NBPF15: variants seen among roughly 807,000 people sequenced by gnomAD.
The protein encoded by NBPF15 is NBPF family member NBPF15.
A neutral mutation model predicts 62.2 loss-of-function variants in NBPF15; 74 were observed. That is an observed-to-expected ratio of 1.19 (90% CI 0.99 to 1.44). The LOEUF (loss-of-function observed/expected upper bound fraction) is 1.44. Ranked by LOEUF, NBPF15 falls within the 40% of genes most tolerant of loss-of-function variation. The pLI, the probability that NBPF15 is intolerant of heterozygous loss-of-function variation, is 0.00. For synonymous variants in NBPF15, 244 were observed against 209.7 expected, an observed-to-expected ratio of 1.16 and a Z score of -1.41; for missense variants, 790 against 550.0, an observed-to-expected ratio of 1.44 and a Z score of -4.36.
chr1:144,441,639 G>A (rs1553542685), intron 6 of NBPF15, among the ~76,000 whole-genome samples: 1 of 149,342 alleles, frequency 6.7e-6, no homozygotes, highest in Non-Finnish European at 1.5e-5. Context: ...TAAAAATGAA[G>A]TGCAATTCGC....
At chr1:144,458,632 T>C (rs1192897821) in intron 3 of NBPF15, among the ~76,000 whole-genome samples, 2 of 150,844 alleles carry the variant, frequency 1.3e-5, no homozygotes, top group African/African-American at 4.9e-5. Flanking sequence ...TTTCATAAAT[T>C]GGATGACCAT....
In NBPF15 at chr1:144,424,070, C is replaced by T. The variant is rs587638201; in HGVS notation, c.1664-95G>A. 20 of 757,988 alleles carry T rather than the reference C, an allele frequency of 2.6e-5. 1 individual carries two copies. In the African/African-American group the frequency reaches 2.7e-4, roughly 10 times the overall value. 47.0% of individuals were successfully genotyped at this position (757,988 alleles called of 1,614,324 possible). Reference sequence around the variant, plus strand: ...AATCCTCACACAGGGACCTCAGGCTCCTCAGCATAAGAATACGACACCATG... The same window carrying T: ...AATCCTCACACAGGGACCTCAGGCTTCTCAGCATAAGAATACGACACCATG... On this transcript the variant is annotated intron_variant, in intron 20 of 21. Coordinates refer to ENST00000581897, the MANE Select transcript of NBPF15 (RefSeq NM_001385408.1).
rs1670390206 is a variant in NBPF15, at chr1:144,427,231, C to G, written c.1214-133G>C. On this transcript the variant is annotated intron_variant, in intron 16 of 21. Coordinates refer to ENST00000581897, the MANE Select transcript of NBPF15 (RefSeq NM_001385408.1). ...ATAGGACACTGTGAGAGATATTCTT[C>G]AAGAGGCCTGAAGGCTGATCACCAT... 7.3e-6 allele frequency: 5 copies of G among 684,632 alleles called. No homozygotes were observed. In the South Asian group the frequency reaches 8.2e-5, roughly 11 times the overall value. The allele number at this position is 684,632 out of a possible 1,614,324, so 42.4% of individuals were successfully genotyped here.
intron 4 of NBPF15, among the ~76,000 whole-genome samples, chr1:144,451,320 C>A (rs1343884495): frequency 6.6e-6 from 1 of 151,792 alleles, no homozygotes; most frequent in African/African-American, 2.4e-5. Context: ...ATGGGATATA[C>A]AATCGGGCTT....
At chr1:144,435,601 C>T (rs1217629932) in intron 11 of NBPF15, among the ~76,000 whole-genome samples, 180 bp downstream of exon 11, 6 of 152,046 alleles carry the variant, frequency 3.9e-5, no homozygotes, top group East Asian at 1.9e-4. Context: ...ACATGACACT[C>T]GGCACACACA....
At chr1:144,452,186 C>A (rs1461435017) in intron 4 of NBPF15, among the ~76,000 whole-genome samples, 1 of 151,964 alleles carries the variant, frequency 6.6e-6, no homozygotes, top group Non-Finnish European at 1.5e-5. Flanking sequence ...AAAGACGGTT[C>A]ACTACTTCAA....
At chr1:144,446,173 A>C (rs1374419492) in intron 6 of NBPF15, among the ~76,000 whole-genome samples, 1 of 151,774 alleles carries the variant, frequency 6.6e-6, no homozygotes, top group East Asian at 1.9e-4. Context: ...ATTTATAAGC[A>C]CAACATGTAT....
rs1218626454 is a variant in NBPF15, at chr1:144,432,534, A to T, written c.824+1239T>A. Among the ~76,000 whole-genome samples, 124 of 152,020 alleles carry T rather than the reference A, an allele frequency of 8.2e-4. 3 individuals carry two copies. The South Asian group carries it at 0.025, about 31-fold the overall frequency. On this transcript the variant is annotated intron_variant, in intron 13 of 21. Transcript: ENST00000581897. Reference sequence around the variant, plus strand: ...ATGGCAAATTGGATAAAGAGTCAAGACCCATCAGTGTGCTGTACTCAGGAA... The same window carrying T: ...ATGGCAAATTGGATAAAGAGTCAAGTCCCATCAGTGTGCTGTACTCAGGAA...
intron 6 of NBPF15, among the ~76,000 whole-genome samples, chr1:144,442,086 C>A (rs1397886511): frequency 1.6e-5 from 2 of 125,298 alleles, no homozygotes; most frequent in African/African-American, 3.1e-5. Flanking sequence ...GTGCAGCAAA[C>A]AAACATGGCA....
intron 6 of NBPF15, among the ~76,000 whole-genome samples, chr1:144,447,029 C>T (rs1441942474): frequency 6.6e-6 from 1 of 150,698 alleles, no homozygotes. Flanking sequence ...ATCCCAGACA[C>T]CTCACAATGA....
chr1:144,441,859 A>T (rs1558611236), intron 6 of NBPF15, among the ~76,000 whole-genome samples: 1 of 149,602 alleles, frequency 6.7e-6, no homozygotes, highest in Non-Finnish European at 1.5e-5. Flanking sequence ...TTTACTTAAA[A>T]GTCTTTCATT....
intron 3 of NBPF15, among the ~76,000 whole-genome samples, chr1:144,458,973 G>T (rs1255539123): frequency 4.6e-5 from 7 of 151,386 alleles, no homozygotes; most frequent in Non-Finnish European, 8.8e-5. Flanking sequence ...CCAGGAGGTG[G>T]AGGTTGCAGT....
intron 4 of NBPF15, among the ~76,000 whole-genome samples, chr1:144,455,970 A>T: frequency 6.6e-6 from 1 of 152,122 alleles, no homozygotes; most frequent in Middle Eastern, 3.4e-3. Flanking sequence ...AGGATTCTGG[A>T]ATGGGAGATG....
rs781856564 is a variant in NBPF15 at position 144,423,162 on chromosome 1, G to A, written c.1864C>T (p.Pro622Ser). 2.3e-5 allele frequency: 37 copies of A among 1,611,438 alleles called. 1 individual carries two copies. Among genetic ancestry groups the A allele is most frequent in the South Asian group, 1.6e-4 (15 of 90,976 alleles). The part of the protein sequence containing the change: ...YSTPSMYFEQ[P>S]DSFQHYRSVF... ...CTTCTGTAGTGCTGGAATGAGTCAGGTTGTTCAAAGTACATTGACGGAGTC... is the reference window on the plus strand; with the variant it reads ...CTTCTGTAGTGCTGGAATGAGTCAGATTGTTCAAAGTACATTGACGGAGTC... Residue 622 changes from proline (P) to serine (S), a missense_variant, in exon 22 of 22, where the codon CCT (proline) becomes TCT (serine). Transcript: ENST00000581897.
At chr1:144,429,409 C>CTGCA (rs1254552635) in intron 14 of NBPF15, among the ~76,000 whole-genome samples, 1 of 151,424 alleles carries the variant, frequency 6.6e-6, no homozygotes, top group Non-Finnish European at 1.5e-5. Context: ...TGGGCATGTG[C>CTGCA]TGCATAGTTT....
In NBPF15 at chr1:144,447,905, C is replaced by T. The variant is rs587635735; in HGVS notation, c.-191+870G>A. ...GAGACTGCCAGGCTGAGGGAAGGTG[C>T]AAGAGAATAGAAGAGATGCTCACAG... On this transcript the variant is annotated intron_variant, in intron 6 of 21. Coordinates refer to ENST00000581897, the MANE Select transcript of NBPF15 (RefSeq NM_001385408.1). Among the ~76,000 whole-genome samples, 1,273 of 152,030 alleles carry T rather than the reference C, an allele frequency of 8.4e-3. 24 individuals carry two copies. Among genetic ancestry groups the T allele is most frequent in the African/African-American group, 0.029 (1,196 of 41,474 alleles).
At position 144,447,138 on chromosome 1, in the gene NBPF15, CTGT is replaced by C. The variant is rs587774439; in HGVS notation, c.-191+1634_-191+1636del. 6.6e-5 allele frequency among the ~76,000 whole-genome samples: 10 copies of C among 152,414 alleles called. No individual in the cohort carries two copies. The South Asian group carries it at 2.1e-3, about 32-fold the overall frequency. ...GCCTGTCCTCTACTCTTCCAGAACC[CTGT>C]TGTTCTGACAGCAGGGAGGACAAAT... On this transcript the variant is annotated intron_variant, in intron 6 of 21. Transcript: ENST00000581897.
At chr1:144,451,310 ATGG>A (rs1690965369) in intron 4 of NBPF15, among the ~76,000 whole-genome samples, 1 of 151,812 alleles carries the variant, frequency 6.6e-6, no homozygotes, top group Non-Finnish European at 1.5e-5. Flanking sequence ...ATCTCAGTAG[ATGG>A]GATATACAAT....
intron 6 of NBPF15, among the ~76,000 whole-genome samples, chr1:144,446,017 A>G (rs1192194500): frequency 5.4e-5 from 8 of 148,474 alleles, no homozygotes; most frequent in Non-Finnish European, 8.9e-5. Context: ...CACCATGCCT[A>G]GCTAATTTTT....
Sources: allele counts gnomAD v4.1 joint callset (sites outside exome capture counted in the v4.1 genomes callset), GRCh38; gene constraint gnomAD v4.1.1; transcripts MANE v1.5; gene names NCBI Gene and HGNC (gene_info 2026-07-23, HGNC 2026-07-21).